Variants in EFL1 observed in about 807,000 individuals in gnomAD.
EFL1 encodes elongation factor like GTPase 1.
In EFL1, 76 loss-of-function variants were observed where a neutral mutation model predicts 126.7. That is an observed-to-expected ratio of 0.60 (90% CI 0.50 to 0.73). The LOEUF is 0.73. Ranked by LOEUF, EFL1 falls within the 30% of genes least tolerant of loss-of-function variation. The pLI, the probability that EFL1 is intolerant of heterozygous loss-of-function variation, is 0.00. For synonymous variants in EFL1, 410 were observed against 448.4 expected, an observed-to-expected ratio of 0.91 and a Z score of 1.08; for missense variants, 1,128 against 1,343.2, an observed-to-expected ratio of 0.84 and a Z score of 2.50.
chr15:82,173,396 A>C (rs999255744), intron 15 of EFL1, among the ~76,000 whole-genome samples: 1 of 152,188 alleles, frequency 6.6e-6, no homozygotes, highest in Non-Finnish European at 1.5e-5. Flanking sequence ...GGAATATGGG[A>C]GTTATTGATG....
intron 15 of EFL1, among the ~76,000 whole-genome samples, chr15:82,183,530 C>CA (rs2074273331): frequency 6.6e-6 from 1 of 152,178 alleles, no homozygotes; most frequent in African/African-American, 2.4e-5. Flanking sequence ...TACTGCTCCA[C>CA]AGACAGCAAC....
Position 82,205,180 on chromosome 15 carries a change from T to C in EFL1, c.1750+9537A>G, listed in dbSNP as rs576742847. Among the ~76,000 whole-genome samples the C allele has an allele frequency of 4.6e-5, 7 of 152,304 alleles. 1 individual carries two copies. The South Asian group carries it at 1.5e-3, about 32-fold the overall frequency. On this transcript the variant is annotated intron_variant, in intron 15 of 19. Transcript: ENST00000268206. Reference sequence around the variant, plus strand: ...GCCCCAAATCATGAATAGCCTATAGTCCCTCTGGCACTTTACTCAAGACAG... The same window carrying C: ...GCCCCAAATCATGAATAGCCTATAGCCCCTCTGGCACTTTACTCAAGACAG...
At chr15:82,261,634 C>G (rs922726120) in intron 2 of EFL1, 54 bp downstream of exon 2, 2 of 1,529,958 alleles carry the variant, frequency 1.3e-6, no homozygotes, top group Non-Finnish European at 1.8e-6. Context: ...CTGAGACATA[C>G]AGAGACACAT....
intron 19 of EFL1, among the ~76,000 whole-genome samples, chr15:82,131,860 G>C (rs1001396495): frequency 5.3e-5 from 8 of 152,060 alleles, no homozygotes; most frequent in Admixed American, 5.2e-4. Context: ...TTTAAAAAGA[G>C]AGACTTAAAG....
intron 3 of EFL1, among the ~76,000 whole-genome samples, chr15:82,253,703 A>T (rs1344871069): frequency 1.3e-5 from 2 of 152,156 alleles, no homozygotes; most frequent in Non-Finnish European, 2.9e-5. Flanking sequence ...CATCTTTTTT[A>T]AAAAAAGAAT....
intron 15 of EFL1, among the ~76,000 whole-genome samples, chr15:82,206,242 ATAAAGTCATC>A (rs1215152996): frequency 6.6e-6 from 1 of 152,218 alleles, no homozygotes; most frequent in Non-Finnish European, 1.5e-5. Context: ...AAATTAAAAT[ATAAAGTCATC>A]TATGATAAGC....
At chr15:82,214,110 T>C (rs1419842428) in intron 15 of EFL1, among the ~76,000 whole-genome samples, 1 of 152,196 alleles carries the variant, frequency 6.6e-6, no homozygotes, top group Non-Finnish European at 1.5e-5. Context: ...TACAATGGGA[T>C]ACAGTATTCT....
chr15:82,164,541 A>T (rs1473014450), intron 15 of EFL1, among the ~76,000 whole-genome samples: 2 of 152,148 alleles, frequency 1.3e-5, no homozygotes, highest in African/African-American at 4.8e-5. Flanking sequence ...TGATGATTGC[A>T]TGAGACTCTG....
chr15:82,161,819 C>T lies in EFL1; in HGVS notation c.1882+2034G>A, dbSNP rs79428283. ...ATCTTACTATGAATCAGCTATAGTA[C>T]AGGAAATACACTAGGTACTAGAATC... On this transcript the variant is annotated intron_variant, in intron 16 of 19. Coordinates refer to ENST00000268206, the MANE Select transcript of EFL1 (RefSeq NM_024580.6). Among the ~76,000 whole-genome samples the T allele has an allele frequency of 8.1e-3, 1,231 of 152,194 alleles. 14 individuals are homozygous for T. Among genetic ancestry groups the T allele is most frequent in the African/African-American group, 0.028 (1,154 of 41,504 alleles).
chr15:82,185,002 T>C (rs924118380), intron 15 of EFL1, among the ~76,000 whole-genome samples: 9 of 152,280 alleles, frequency 5.9e-5, no homozygotes, highest in African/African-American at 2.2e-4. Context: ...ATGAAGCAAA[T>C]GTTTTAGTGA....
At chr15:82,182,481 T>A (rs559549188) in intron 15 of EFL1, among the ~76,000 whole-genome samples, 100 of 152,268 alleles carry the variant, frequency 6.6e-4, no homozygotes, top group Non-Finnish European at 8.5e-4. Context: ...AGTATTATTC[T>A]GTTAGAAACG....
Position 82,252,772 on chromosome 15 carries a change from T to C in EFL1, c.163A>G (p.Arg55Gly). Residue 55 changes from arginine (R) to glycine (G), a missense_variant, in exon 4 of 20, where the codon AGG (arginine) becomes GGG (glycine). Arg to Gly is a moderately radical substitution (Grantham distance 125). This residue lies in a region of EFL1 where 118 missense variants were observed against 188.1 expected (regional missense o/e 0.63). Transcript: ENST00000268206. ...TCATCTTCTCTGCTGTCCATGTACC[T>C]TAACTGGAAAAATGCAACATATGCA... Reference protein sequence around the residue: ...IISSRLAGKLRYMDSREDEQI... With the variant: ...IISSRLAGKLGYMDSREDEQI... 1 of 1,576,682 alleles carries C rather than the reference T, an allele frequency of 6.3e-7. No individual in the cohort carries two copies. The highest frequency in any genetic ancestry group is 1.7e-5 in the Admixed American group (1 of 59,728).
chr15:82,144,210 T>TGC (rs1376504083), intron 18 of EFL1, among the ~76,000 whole-genome samples: 1 of 151,180 alleles, frequency 6.6e-6, no homozygotes, highest in Non-Finnish European at 1.5e-5. Context: ...GAGTCATGTT[T>TGC]GCGCCACTGT....
chr15:82,179,666 TCTC>T (rs1331778867), intron 15 of EFL1, among the ~76,000 whole-genome samples: 1 of 151,864 alleles, frequency 6.6e-6, no homozygotes. Context: ...ATCATTGAAA[TCTC>T]CTTCACAGTG....
At chr15:82,154,512 T>C (rs1390606352) in intron 17 of EFL1, among the ~76,000 whole-genome samples, 1 of 152,106 alleles carries the variant, frequency 6.6e-6, no homozygotes, top group Non-Finnish European at 1.5e-5. Context: ...AATTGTGAAA[T>C]GTAATAGTCA....
intron 18 of EFL1, among the ~76,000 whole-genome samples, chr15:82,146,800 A>AGTGACATTTGTACCTGG (rs2073851339): frequency 6.6e-6 from 1 of 152,158 alleles, no homozygotes; most frequent in African/African-American, 2.4e-5. Context: ...CATAGAAGGC[A>AGTGACATTTGTACCTGG]GTGAGGCCCA....
At chr15:82,161,237 A>C (rs550794703) in intron 16 of EFL1, among the ~76,000 whole-genome samples, 2 of 152,318 alleles carry the variant, frequency 1.3e-5, no homozygotes, top group African/African-American at 4.8e-5. Context: ...AAAAACAATG[A>C]ATGTGTCCAG....
chr15:82,234,312 A>G (rs149603129), intron 7 of EFL1, among the ~76,000 whole-genome samples: 2,961 of 152,292 alleles, frequency 0.019, 41 homozygotes, highest in Non-Finnish European at 0.028. Flanking sequence ...GAATGAATCT[A>G]AAGAAAGTCT....
At chr15:82,159,626 G>A (rs1482864520) in intron 16 of EFL1, among the ~76,000 whole-genome samples, 1 of 152,024 alleles carries the variant, frequency 6.6e-6, no homozygotes, top group African/African-American at 2.4e-5. Flanking sequence ...TTTGGAAGGT[G>A]ATTTTCTTAA....
Sources: gnomAD v4.1 joint callset for allele counts (sites outside exome capture counted in the v4.1 genomes callset) on GRCh38, gnomAD v4.1.1 for gene constraint, gnomAD v4.1.1 regional missense constraint, MANE v1.5 for transcripts, NCBI Gene and HGNC (gene_info 2026-07-23, HGNC 2026-07-21) for gene names.